The following SVEP1 variants were observed in gnomAD, a reference collection of about 807,000 sequenced individuals.
The protein encoded by SVEP1 is sushi, von Willebrand factor type A, EGF and pentraxin domain-containing protein 1.
A neutral mutation model predicts 367.3 loss-of-function variants in SVEP1; 164 were observed. The observed-to-expected ratio is 0.45, with a 90% confidence interval of 0.39 to 0.51. SVEP1 has a LOEUF of 0.51. Ranked by LOEUF, SVEP1 falls within the 20% of genes least tolerant of loss-of-function variation. The pLI, the probability that SVEP1 is intolerant of heterozygous loss-of-function variation, is 0.00. For missense variants in SVEP1, 4,117 were observed against 4,425.3 expected (o/e 0.93, Z 1.98); for synonymous variants, 1,666 against 1,611.6 (o/e 1.03, Z -0.81).
chr9:110,565,604 G>T (rs571529478), intron 1 of SVEP1, among the ~76,000 whole-genome samples: 13 of 152,266 alleles, frequency 8.5e-5, no homozygotes, highest in Non-Finnish European at 1.3e-4. Context: ...TGTAAGAATG[G>T]CATCTGAGAG....
chr9:110,444,302 T>C (rs757292218), intron 26 of SVEP1, among the ~76,000 whole-genome samples: 23 of 152,298 alleles, frequency 1.5e-4, no homozygotes, highest in Non-Finnish European at 2.5e-4. Flanking sequence ...AAGAGACCAC[T>C]TGCACCTTCG....
At chr9:110,469,131 A>G in intron 16 of SVEP1, 30 bp from the exon 17 acceptor site, 1 of 1,597,126 alleles carries the variant, frequency 6.3e-7, no homozygotes, top group Non-Finnish European at 8.5e-7. Context: ...GAAACACTGA[A>G]TAAACTACAA....
chr9:110,431,755 G>T (rs1370271204), intron 32 of SVEP1, among the ~76,000 whole-genome samples, 160 bp downstream of exon 32: 1 of 152,142 alleles, frequency 6.6e-6, no homozygotes, highest in Non-Finnish European at 1.5e-5. Flanking sequence ...ACTTTTAGTT[G>T]TTACTGATGT....
At chr9:110,486,392 A>G (rs553295712) in intron 9 of SVEP1, among the ~76,000 whole-genome samples, 1 of 152,346 alleles carries the variant, frequency 6.6e-6, no homozygotes, top group African/African-American at 2.4e-5. Context: ...GGAGAGGCAC[A>G]GCCCACTTCA....
At chr9:110,477,494 T>C (rs1436090847) in intron 13 of SVEP1, among the ~76,000 whole-genome samples, 2 of 152,206 alleles carry the variant, frequency 1.3e-5, no homozygotes, top group African/African-American at 4.8e-5. Flanking sequence ...TTTAGCATAC[T>C]TATTCATCCT....
At position 110,556,759 on chromosome 9, in the gene SVEP1, G is replaced by A. The variant is rs143575807; in HGVS notation, c.532-6655C>T. ...CCAGCTCAGCCTCCCAAAGTGCTGG[G>A]ATTACAAGTGTGAGCCACCACACTT... On this transcript the variant is annotated intron_variant, in intron 1 of 47. Coordinates refer to ENST00000374469, the MANE Select transcript of SVEP1 (RefSeq NM_153366.4). Among the ~76,000 whole-genome samples the A allele has an allele frequency of 2.1e-3, 313 of 152,164 alleles. 1 individual carries two copies. Among genetic ancestry groups the A allele is most frequent in the African/African-American group, 7.2e-3 (300 of 41,528 alleles).
chr9:110,437,082 C>T (rs1485704626), intron 27 of SVEP1, among the ~76,000 whole-genome samples: 2 of 152,230 alleles, frequency 1.3e-5, no homozygotes, highest in Non-Finnish European at 2.9e-5. Context: ...CTCCACCCTT[C>T]TCCACTCAGC....
chr9:110,370,006 C>T lies in SVEP1; in HGVS notation c.10611G>A (p.Gln3537=). The change falls in exon 47 of 48, where the codon CAG becomes CAA. Residue 3537 remains glutamine, a synonymous_variant. Coordinates refer to ENST00000374469, the MANE Select transcript of SVEP1 (RefSeq NM_153366.4). The stretch of plus-strand genomic sequence containing the variant: ...ATTTTCCACCATTTAAGCAGGGAGA[C>T]TGGCAAACAGCTGGAATAAAAAACC... ...TGSRCHTAVC[Q]SPCLNGGKCV... is the part of the protein sequence containing the mutation. 1 of 1,612,770 alleles carries T rather than the reference C, an allele frequency of 6.2e-7. No homozygotes were observed. Among genetic ancestry groups the T allele is most frequent in the Non-Finnish European group, 8.5e-7 (1 of 1,179,344 alleles).
At chr9:110,511,754 T>C (rs973737727) in intron 5 of SVEP1, among the ~76,000 whole-genome samples, 4 of 152,076 alleles carry the variant, frequency 2.6e-5, no homozygotes, top group African/African-American at 7.2e-5. Flanking sequence ...CCTAATAAAT[T>C]GGTACCAACA....
intron 10 of SVEP1, among the ~76,000 whole-genome samples, chr9:110,483,161 G>C (rs974698958): frequency 6.6e-6 from 1 of 152,080 alleles, no homozygotes; most frequent in African/African-American, 2.4e-5. Context: ...AACTTCAATT[G>C]TATTTGCTTA....
chr9:110,434,517 A>C lies in SVEP1; in HGVS notation c.4889-11T>G. ...CTAAGCGTGGGCAATCTGAGGGCAA[A>C]GAACACAGGTGCAGAGCTTGTCAGC... On this transcript the variant is annotated splice_polypyrimidine_tract_variant and intron_variant, in intron 29 of 47. Coordinates refer to ENST00000374469, the MANE Select transcript of SVEP1 (RefSeq NM_153366.4). 1 of 1,612,098 alleles carries C rather than the reference A, an allele frequency of 6.2e-7. No homozygotes were observed. The highest frequency in any genetic ancestry group is 8.5e-7 in the Non-Finnish European group (1 of 1,179,280).
At chr9:110,538,474 C>T (rs1830105617) in intron 3 of SVEP1, among the ~76,000 whole-genome samples, 1 of 151,948 alleles carries the variant, frequency 6.6e-6, no homozygotes, top group Non-Finnish European at 1.5e-5. Context: ...TCTCTCTTTC[C>T]AAAGAAATGA....
At chr9:110,550,370 C>T (rs1339149555) in intron 1 of SVEP1, among the ~76,000 whole-genome samples, 2 of 152,140 alleles carry the variant, frequency 1.3e-5, no homozygotes, top group East Asian at 3.9e-4. Context: ...GTACAACAAA[C>T]ACTTATGGAA....
chr9:110,542,084 G>T (rs942558416), intron 3 of SVEP1, among the ~76,000 whole-genome samples: 42 of 152,126 alleles, frequency 2.8e-4, no homozygotes, highest in South Asian at 6.2e-4. Flanking sequence ...ATTGGCAGAG[G>T]CTGAATTTAA....
chr9:110,565,560 G>A (rs535043296), intron 1 of SVEP1, among the ~76,000 whole-genome samples: 1 of 152,266 alleles, frequency 6.6e-6, no homozygotes, highest in Non-Finnish European at 1.5e-5. Flanking sequence ...TAAAGTATAT[G>A]AGGCAGGAGA....
intron 14 of SVEP1, among the ~76,000 whole-genome samples, chr9:110,474,106 C>T (rs1333439087): frequency 2.6e-5 from 4 of 152,064 alleles, no homozygotes; most frequent in African/African-American, 9.7e-5. Context: ...GTTCAAGTGA[C>T]TCTCCTGCCT....
intron 5 of SVEP1, among the ~76,000 whole-genome samples, chr9:110,503,870 A>AGTT (rs1384289317): frequency 6.6e-6 from 1 of 152,134 alleles, no homozygotes; most frequent in Non-Finnish European, 1.5e-5. Context: ...AGAGGCTTAT[A>AGTT]GTTGCCCACC....
intron 6 of SVEP1, among the ~76,000 whole-genome samples, chr9:110,499,644 T>G (rs1343567838): frequency 6.6e-6 from 1 of 152,222 alleles, no homozygotes; most frequent in African/African-American, 2.4e-5. Flanking sequence ...TTTTTGGTGC[T>G]ATTTTTAAGC....
In SVEP1 at chr9:110,400,966, C is replaced by G; in HGVS notation, c.9710G>C (p.Ser3237Thr). The G allele has an allele frequency of 2.5e-6, 4 of 1,613,898 alleles. No homozygotes were observed. Among genetic ancestry groups the G allele is most frequent in the Non-Finnish European group, 3.4e-6 (4 of 1,179,846 alleles). ...WEPPFSDESC[S>T]PVSCGKPESP... Reference sequence around the variant, plus strand: ...TTCAGGTTTCCCACAAGAAACTGGACTGCAAGATTCATCGGAGAATGGTGG... The same window carrying G: ...TTCAGGTTTCCCACAAGAAACTGGAGTGCAAGATTCATCGGAGAATGGTGG... Residue 3237 changes from serine to threonine, a missense_variant, in exon 40 of 48, where the codon AGT becomes ACT. By Grantham distance (58) the Ser-to-Thr change is moderately conservative. Transcript: ENST00000374469.
Sources: allele counts gnomAD v4.1 joint callset (sites outside exome capture counted in the v4.1 genomes callset), GRCh38; gene constraint gnomAD v4.1.1; transcripts MANE v1.5; gene names NCBI Gene and HGNC (gene_info 2026-07-23, HGNC 2026-07-21).